Variants in NOX4 observed in about 807,000 individuals in gnomAD.
NOX4 encodes NADPH oxidase 4.
Under a neutral mutation model 87.6 loss-of-function variants are expected in NOX4, and 69 were observed. The ratio of observed to expected loss-of-function variants is 0.79; its 90% CI spans 0.65 to 0.96. NOX4 has a LOEUF of 0.96. Ranked by LOEUF, NOX4 falls within the 40% of genes least tolerant of loss-of-function variation. The probability of loss-of-function intolerance (pLI) is 0.00; values close to 1 mark genes in which losing one functional copy is unlikely to be tolerated. For missense variants in NOX4, 680 were observed against 681.5 expected, an observed-to-expected ratio of 1.00 and a Z score of 0.02; for synonymous variants, 275 against 238.2, an observed-to-expected ratio of 1.15 and a Z score of -1.42.
chr11:89,551,826 A>G, the NOX4 span, among the ~76,000 whole-genome samples: 1 of 151,926 alleles, frequency 6.6e-6, no homozygotes, highest in Non-Finnish European at 1.5e-5. Flanking sequence ...TTTCAATACT[A>G]TGTTGAATAG....
chr11:89,390,784 TC>T (rs1332155377), intron 11 of NOX4, among the ~76,000 whole-genome samples: 1 of 152,192 alleles, frequency 6.6e-6, no homozygotes, highest in African/African-American at 2.4e-5. Flanking sequence ...CTTTGGTGGT[TC>T]TTTCTAAAGA....
chr11:89,379,173 G>A (rs2135086615), intron 11 of NOX4, among the ~76,000 whole-genome samples: 1 of 152,196 alleles, frequency 6.6e-6, no homozygotes, highest in Middle Eastern at 3.4e-3. Flanking sequence ...GAATAATAAA[G>A]AGATGTCAAC....
the NOX4 span, among the ~76,000 whole-genome samples, chr11:89,521,470 G>A: frequency 1.5e-4 from 23 of 152,084 alleles, no homozygotes; most frequent in African/African-American, 5.6e-4. Context: ...GGAATAACTG[G>A]TTAGTCATAT....
the NOX4 span, among the ~76,000 whole-genome samples, chr11:89,556,321 G>T: frequency 5.9e-5 from 9 of 152,144 alleles, no homozygotes; most frequent in East Asian, 1.5e-3. Flanking sequence ...TCAGGAGTTC[G>T]AGACCAGCCT....
At chr11:89,584,110 T>C in the NOX4 span, among the ~76,000 whole-genome samples, 1 of 152,112 alleles carries the variant, frequency 6.6e-6, no homozygotes, top group Non-Finnish European at 1.5e-5. Context: ...TCATTCTTCT[T>C]AGGATAAAAA....
chr11:89,381,861 C>T (rs1238802712), intron 11 of NOX4, among the ~76,000 whole-genome samples: 1 of 152,174 alleles, frequency 6.6e-6, no homozygotes, highest in Non-Finnish European at 1.5e-5. Flanking sequence ...TCTCACTATC[C>T]TTCAACCTCT....
chr11:89,464,581 A>T (rs1010149394), intron 2 of NOX4, among the ~76,000 whole-genome samples: 1 of 152,174 alleles, frequency 6.6e-6, no homozygotes, highest in Non-Finnish European at 1.5e-5. Flanking sequence ...GTTTATTTTT[A>T]AAAAATGACT....
intron 1 of NOX4, chr11:89,490,870 A>T (rs1183706038): frequency 1.4e-6 from 1 of 701,252 alleles, no homozygotes; most frequent in Non-Finnish European, 2.6e-6. Flanking sequence ...AAACAGAAGT[A>T]ATCTGGGAAA....
In NOX4 at chr11:89,491,236, G is replaced by C. The variant is rs1469988419; in HGVS notation, c.11C>G (p.Ser4Cys). Residue 4 changes from serine to cysteine, a missense_variant, in exon 1 of 18, where the codon TCC becomes TGC. By Grantham distance (112) the Ser-to-Cys change is moderately radical. Transcript: ENST00000263317. Reference sequence around the variant, plus strand: ...TTCGTTGGCGAGCCAGCTCCTCCAGGACACAGCCATGCCGCCGGCCCCGCC... The same window carrying C: ...TTCGTTGGCGAGCCAGCTCCTCCAGCACACAGCCATGCCGCCGGCCCCGCC... Reference protein sequence around the residue: MAVSWRSWLANEGV... With the variant: MAVCWRSWLANEGV... 1 of 1,613,366 alleles carries C rather than the reference G, an allele frequency of 6.2e-7. No homozygotes were observed.
intron 17 of NOX4, among the ~76,000 whole-genome samples, chr11:89,329,376 G>GAAAAAAAAAAAAAAAAAAGAAC (rs1554988054): frequency 1.3e-5 from 1 of 77,718 alleles, no homozygotes; most frequent in African/African-American, 4.1e-5. Flanking sequence ...AAAAAAAAAA[G>GAAAAAAAAAAAAAAAAAAGAAC]AACAGAGCAT....
intron 17 of NOX4, among the ~76,000 whole-genome samples, chr11:89,328,975 C>T (rs1211105618): frequency 6.6e-6 from 1 of 151,832 alleles, no homozygotes; most frequent in Non-Finnish European, 1.5e-5. Context: ...AACTTCCAGC[C>T]CCCAGAACTA....
chr11:89,543,418 T>C, the NOX4 span, among the ~76,000 whole-genome samples: 1 of 152,132 alleles, frequency 6.6e-6, no homozygotes, highest in Non-Finnish European at 1.5e-5. Context: ...ACATGTTGAT[T>C]ATATTTATCA....
chr11:89,520,625 T>G, the NOX4 span, among the ~76,000 whole-genome samples: 1 of 152,098 alleles, frequency 6.6e-6, no homozygotes, highest in Non-Finnish European at 1.5e-5. Context: ...AGCATTCCCC[T>G]GGAGAACTGA....
intron 8 of NOX4, among the ~76,000 whole-genome samples, chr11:89,418,422 G>T (rs867955446): frequency 1.1e-4 from 15 of 139,746 alleles, no homozygotes; most frequent in Admixed American, 3.0e-4. Context: ...TGAACATTGA[G>T]AATAATAATA....
chr11:89,330,628 G>GAAAAAAAAA (rs35155228), intron 17 of NOX4, among the ~76,000 whole-genome samples: 1 of 79,616 alleles, frequency 1.3e-5, no homozygotes, highest in East Asian at 3.8e-4. Flanking sequence ...TTACTAAAAA[G>GAAAAAAAAA]AAAAAAAAAA....
At chr11:89,340,338 G>A (rs1945926399) in intron 14 of NOX4, among the ~76,000 whole-genome samples, 167 bp from the exon 15 acceptor site, 1 of 152,112 alleles carries the variant, frequency 6.6e-6, no homozygotes, top group African/African-American at 2.4e-5. Context: ...GATAGCACGA[G>A]ACCTAAATGA....
At chr11:89,452,996 T>C (rs79820976) in intron 2 of NOX4, among the ~76,000 whole-genome samples, 2,462 of 152,138 alleles carry the variant, frequency 0.016, 77 homozygotes, top group African/African-American at 0.055. Context: ...GTGAGTCATG[T>C]TCATGCCACT....
chr11:89,388,784 C>CA (rs1199271726), intron 11 of NOX4, among the ~76,000 whole-genome samples: 2 of 152,016 alleles, frequency 1.3e-5, no homozygotes, highest in Non-Finnish European at 1.5e-5. Context: ...AAGAACGAGG[C>CA]AAAAAATCTT....
chr11:89,381,570 T>G (rs1339692017), intron 11 of NOX4, among the ~76,000 whole-genome samples: 1 of 152,214 alleles, frequency 6.6e-6, no homozygotes, highest in Non-Finnish European at 1.5e-5. Context: ...ACCTTGGCTC[T>G]CTTTTCAGAC....
Sources: gnomAD v4.1 joint callset for allele counts (sites outside exome capture counted in the v4.1 genomes callset) on GRCh38, gnomAD v4.1.1 for gene constraint, MANE v1.5 for transcripts, NCBI Gene and HGNC (gene_info 2026-07-23, HGNC 2026-07-21) for gene names.